The following KIR2DL3 variants were observed in gnomAD, a reference collection of about 807,000 sequenced individuals.
KIR2DL3 encodes the protein killer cell immunoglobulin like receptor, two Ig domains and long cytoplasmic tail 3.
A neutral mutation model predicts 33.8 loss-of-function variants in KIR2DL3; 39 were observed. The observed-to-expected ratio is 1.15, with a 90% CI of 0.89 to 1.51. The LOEUF (loss-of-function observed/expected upper bound fraction) is 1.51, where lower values mean the gene tolerates loss of function less well. Ranked by LOEUF, KIR2DL3 falls within the 40% of genes most tolerant of loss-of-function variation. The pLI is 0.00. For missense variants in KIR2DL3, 462 were observed against 426.2 expected (o/e 1.08, Z -0.74); for synonymous variants, 174 against 160.2 (o/e 1.09, Z -0.65).
intron 1 of KIR2DL3, 148 bp downstream of exon 1, chr19:54,738,727 G>C (rs2070271679): frequency 1.6e-6 from 2 of 1,278,116 alleles, no homozygotes; most frequent in Non-Finnish European, 2.2e-6. Flanking sequence ...GTGGAGATCT[G>C]GGCCTGGAGT....
chr19:54,744,954 A>ATATATATAT (rs1398407460), intron 4 of KIR2DL3, among the ~76,000 whole-genome samples: 1 of 31,276 alleles, frequency 3.2e-5, no homozygotes, highest in African/African-American at 1.1e-4. Flanking sequence ...ATATATATAT[A>ATATATATAT]TTTTTTTTTT....
At chr19:54,741,337 C>A (rs71365490) in intron 2 of KIR2DL3, among the ~76,000 whole-genome samples, 8,029 of 150,844 alleles carry the variant, frequency 0.053, 300 homozygotes, top group Non-Finnish European at 0.078. Context: ...GAGACTCTGT[C>A]TCCATAATTA....
chr19:54,742,068 C>G lies in KIR2DL3; in HGVS notation c.159C>G (p.Val53=). The G allele has an allele frequency of 1.2e-6, 2 of 1,613,516 alleles. No individual in the cohort carries two copies. The highest frequency in any genetic ancestry group is 3.3e-5 in the Admixed American group (2 of 59,940). The part of the protein sequence containing the change: ...ETVILQCWSD[V]RFQHFLLHRE... ...TCATCCTGCAATGTTGGTCAGATGT[C>G]AGGTTTCAGCACTTCCTTCTGCACA... The change falls in exon 3 of 8, where the codon GTC becomes GTG. Residue 53 remains valine, a synonymous_variant. Coordinates refer to ENST00000342376, the MANE Select transcript of KIR2DL3 (RefSeq NM_015868.3).
In KIR2DL3 at chr19:54,743,829, G is replaced by T; in HGVS notation, c.405G>T (p.Pro135=). 2 of 1,611,876 alleles carry T rather than the reference G, an allele frequency of 1.2e-6. No homozygotes were observed. The highest frequency in any genetic ancestry group is 2.2e-5 in the East Asian group (1 of 44,874). The change falls in exon 4 of 8, where the codon CCG becomes CCT. Residue 135 remains proline (P), a synonymous_variant. Coordinates refer to ENST00000342376, the MANE Select transcript of KIR2DL3 (RefSeq NM_015868.3). The part of the protein sequence containing the change: ...LYEKPSLSAQ[P]GPTVLAGESV... ...AGAAACCTTCTCTCTCAGCCCAGCC[G>T]GGCCCCACGGTTCTGGCAGGAGAGA...
At chr19:54,738,664 T>G in intron 1 of KIR2DL3, 85 bp downstream of exon 1, 2 of 1,566,820 alleles carry the variant, frequency 1.3e-6, no homozygotes, top group Non-Finnish European at 8.8e-7. Flanking sequence ...GGAAGTGGAG[T>G]TATGGGCCTA....
chr19:54,749,024 G>A (rs1372355964), intron 5 of KIR2DL3, among the ~76,000 whole-genome samples: 109 of 152,080 alleles, frequency 7.2e-4, no homozygotes, highest in Middle Eastern at 3.4e-3. Flanking sequence ...TGAAAAACAC[G>A]GATTGAACCC....
Position 54,750,287 on chromosome 19 carries a change from G to C in KIR2DL3, c.716-1362G>C, listed in dbSNP as rs552162482. On this transcript the variant is annotated intron_variant, in intron 5 of 7. Coordinates refer to ENST00000342376, the MANE Select transcript of KIR2DL3 (RefSeq NM_015868.3). ...GTCCAGATCTTGGAATCAGAGATCA[G>C]TGCCAGCACTAGCTCCTGCTCCCCT... Among the ~76,000 whole-genome samples the C allele has an allele frequency of 1.5e-5, 2 of 136,516 alleles. 1 individual carries two copies. The highest frequency in any genetic ancestry group is 3.2e-5 in the Non-Finnish European group (2 of 62,394). The allele number at this position is 136,516 out of a possible 152,430, so 89.6% of individuals were successfully genotyped here. A position where few individuals can be genotyped will look rare whatever the true frequency, so the allele number is the denominator to read the frequency against.
chr19:54,740,602 G>C (rs1453138640), intron 2 of KIR2DL3, among the ~76,000 whole-genome samples: 2 of 151,614 alleles, frequency 1.3e-5, no homozygotes, highest in African/African-American at 4.9e-5. Flanking sequence ...CTGAATCCCA[G>C]AGCTTCTGTT....
rs1238268609 is a variant in KIR2DL3, at chr19:54,742,192, G to C, written c.283G>C (p.Ala95Pro). Reference protein sequence around the residue: ...FSIGPMMQDLAGTYRCYGSVT... With the variant: ...FSIGPMMQDLPGTYRCYGSVT... ...CATCGGTCCCATGATGCAAGACCTTGCAGGGACCTACAGATGCTACGGTTC... is the reference window on the plus strand; with the variant it reads ...CATCGGTCCCATGATGCAAGACCTTCCAGGGACCTACAGATGCTACGGTTC... Residue 95 changes from alanine to proline, a missense_variant, in exon 3 of 8, where the codon GCA (alanine) becomes CCA (proline). Ala to Pro is a conservative substitution (Grantham distance 27, BLOSUM62 -1). Transcript: ENST00000342376. 4.3e-6 allele frequency: 7 copies of C among 1,614,060 alleles called. No homozygotes were observed. In the African/African-American group the frequency reaches 9.3e-5, roughly 22 times the overall value.
intron 3 of KIR2DL3, among the ~76,000 whole-genome samples, chr19:54,743,017 G>T (rs1182625968): frequency 6.6e-6 from 1 of 151,938 alleles, no homozygotes; most frequent in African/African-American, 2.4e-5. Context: ...TGATGGCAGG[G>T]AGCAGAGAAA....
intron 5 of KIR2DL3, among the ~76,000 whole-genome samples, 167 bp from the exon 6 acceptor site, chr19:54,751,482 A>G (rs566051784): frequency 7.5e-6 from 1 of 132,596 alleles, no homozygotes; most frequent in Non-Finnish European, 1.7e-5. Context: ...TATGGTTACT[A>G]TGAGAGCTAT....
In KIR2DL3 at chr19:54,738,585, T is replaced by C. The variant is rs769133926; in HGVS notation, c.34+6T>C. On this transcript the variant is annotated splice_donor_region_variant and intron_variant, in intron 1 of 7. Transcript: ENST00000342376. ...CGTCAGCATGGTGTGTGTTGGTGAG[T>C]CCTGGAAGGGCATCGAGGGAGGGAG... The C allele has an allele frequency of 6.8e-6, 11 of 1,613,932 alleles. No individual in the cohort carries two copies. In the East Asian group the frequency reaches 2.2e-4, roughly 33 times the overall value.
intron 5 of KIR2DL3, among the ~76,000 whole-genome samples, chr19:54,750,982 G>A (rs897962572): frequency 7.5e-6 from 1 of 133,918 alleles, no homozygotes; most frequent in Non-Finnish European, 1.6e-5. Flanking sequence ...GCTGTTCTGA[G>A]ACGTTCCTCC....
At position 54,743,948 on chromosome 19, in the gene KIR2DL3, C is replaced by G. The variant is rs2071713486; in HGVS notation, c.524C>G (p.Pro175Arg). 3 of 1,614,190 alleles carry G rather than the reference C, an allele frequency of 1.9e-6. No homozygotes were observed. In the Admixed American group the frequency reaches 5.0e-5, roughly 27 times the overall value. The stretch of plus-strand genomic sequence containing the variant: ...CATGAACGTAGGTTCTCTGCAGGGC[C>G]CAAGGTCAACGGAACATTCCAGGCC... ...EAHERRFSAG[P>R]KVNGTFQADF... The change falls in exon 4 of 8, where the codon CCC (proline) becomes CGC (arginine). Residue 175 changes from proline (P) to arginine (R), a missense_variant. Coordinates refer to ENST00000342376, the MANE Select transcript of KIR2DL3 (RefSeq NM_015868.3).
Position 54,751,464 on chromosome 19 carries a change from A to G in KIR2DL3, c.716-185A>G, listed in dbSNP as rs2966876. Among the ~76,000 whole-genome samples the G allele has an allele frequency of 8.0e-3, 865 of 107,778 alleles. 8 individuals carry two copies. The highest frequency in any genetic ancestry group is 0.02 in the South Asian group (54 of 2,656). 70.7% of individuals were successfully genotyped at this position (107,778 alleles called of 152,430 possible). On this transcript the variant is annotated intron_variant, in intron 5 of 7. Coordinates refer to ENST00000342376, the MANE Select transcript of KIR2DL3 (RefSeq NM_015868.3). ...CTCAACTAAAGTAGTTGTATCCTCA[A>G]CACGTTCTATGGTTACTATGAGAGC...
At chr19:54,744,182 C>A (rs2147077539) in intron 4 of KIR2DL3, 94 bp downstream of exon 4, 5 of 1,558,972 alleles carry the variant, frequency 3.2e-6, no homozygotes, top group African/African-American at 2.7e-5. Context: ...TGGACAGATG[C>A]AGAGAGAAGA....
At chr19:54,743,441 G>C (rs1396379458) in intron 3 of KIR2DL3, among the ~76,000 whole-genome samples, 2 of 151,458 alleles carry the variant, frequency 1.3e-5, no homozygotes, top group Admixed American at 6.5e-5. Flanking sequence ...TAGATAAATA[G>C]ATAGATCGAC....
chr19:54,747,899 G>C (rs1359008550), intron 5 of KIR2DL3, among the ~76,000 whole-genome samples: 2 of 152,210 alleles, frequency 1.3e-5, no homozygotes, highest in Non-Finnish European at 2.9e-5. Flanking sequence ...CCCATGCTCA[G>C]GCTGTGCAGT....
At chr19:54,746,439 T>C (rs2147120111) in intron 4 of KIR2DL3, among the ~76,000 whole-genome samples, 1 of 147,256 alleles carries the variant, frequency 6.8e-6, no homozygotes, top group East Asian at 1.9e-4. Flanking sequence ...ACTTGTGTTT[T>C]GAAGGTTTAA....
Sources: allele counts gnomAD v4.1 joint callset (sites outside exome capture counted in the v4.1 genomes callset), GRCh38; gene constraint gnomAD v4.1.1; transcripts MANE v1.5; gene names NCBI Gene and HGNC (gene_info 2026-07-23, HGNC 2026-07-21).